The following KCNJ15 variants were observed in gnomAD, a reference collection of about 807,000 sequenced individuals.
KCNJ15 encodes potassium inwardly rectifying channel subfamily J member 15, also known as ATP-sensitive inward rectifier potassium channel 15.
Under a neutral mutation model 23.0 loss-of-function variants are expected in KCNJ15, and 14 were observed. The ratio of observed to expected loss-of-function variants is 0.61; its 90% CI spans 0.40 to 0.95. The LOEUF (loss-of-function observed/expected upper bound fraction) is 0.95. KCNJ15 is among the 40% of genes least tolerant of loss of function. The pLI is 0.00. For missense variants in KCNJ15, 388 were observed against 461.8 expected (o/e 0.84, Z 1.46); for synonymous variants, 185 against 183.2 (o/e 1.01, Z -0.08).
At position 38,299,443 on chromosome 21, in the gene KCNJ15, T is replaced by G. The variant is rs1985520666; in HGVS notation, c.182T>G (p.Met61Arg). The change falls in exon 3 of 3, where the codon ATG becomes AGG. Residue 61 changes from methionine (M) to arginine (R), a missense_variant. Met to Arg is a moderately conservative substitution (Grantham distance 91). Coordinates refer to ENST00000398938, the MANE Select transcript of KCNJ15 (RefSeq NM_170736.3). This position sits in a 1 kb window ranked among gnomAD's most constrained non-coding sequence, Gnocchi z 4.5. ...GACCTGTGGACCACAGTTATCGACA[T>G]GAAGTGGAGATACAAACTCACCCTG... is the stretch of plus-strand genomic sequence containing the variant. ...LQDLWTTVID[M>R]KWRYKLTLFA... The G allele has an allele frequency of 6.2e-7, 1 of 1,614,184 alleles. No homozygotes were observed. Among genetic ancestry groups the G allele is most frequent in the Non-Finnish European group, 8.5e-7 (1 of 1,180,016 alleles).
chr21:38,251,973 G>C (rs1445564433), upstream of KCNJ15, among the ~76,000 whole-genome samples: 1 of 152,192 alleles, frequency 6.6e-6, no homozygotes. Flanking sequence ...AGGATGGTGG[G>C]TGGTGGGAAG....
At chr21:38,295,413 A>C (rs180818301) in intron 1 of KCNJ15, among the ~76,000 whole-genome samples, 1 of 152,216 alleles carries the variant, frequency 6.6e-6, no homozygotes, top group African/African-American at 2.4e-5. Context: ...GATGATTCTG[A>C]TGTTAGTTCT....
intron 1 of KCNJ15, 67 bp from the exon 2 acceptor site, chr21:38,296,859 G>C (rs894735979): frequency 1.3e-5 from 2 of 152,652 alleles, no homozygotes; most frequent in Non-Finnish European, 2.9e-5. Flanking sequence ...GAAAATCATC[G>C]GGGGTCAGTT....
At chr21:38,260,578 A>G (rs958518471) in intron 1 of KCNJ15, among the ~76,000 whole-genome samples, 6 of 152,240 alleles carry the variant, frequency 3.9e-5, no homozygotes, top group Non-Finnish European at 7.3e-5. Context: ...AAGCACAAGC[A>G]CACAATTCCA....
intron 1 of KCNJ15, among the ~76,000 whole-genome samples, chr21:38,250,290 A>C (rs946948059): frequency 1.3e-5 from 2 of 152,216 alleles, no homozygotes; most frequent in Non-Finnish European, 2.9e-5. Context: ...TTAGTGCAGA[A>C]TCAGGGTTTG....
chr21:38,269,716 G>A (rs984574373), intron 1 of KCNJ15, among the ~76,000 whole-genome samples: 3 of 152,206 alleles, frequency 2.0e-5, no homozygotes, highest in Non-Finnish European at 4.4e-5. Context: ...TTAAGCTGGT[G>A]TGGAGAGAAA....
chr21:38,288,026 C>CTTTTTTTTTTTTTT (rs1171718120), intron 1 of KCNJ15, among the ~76,000 whole-genome samples: 2,575 of 78,094 alleles, frequency 0.033, 952 homozygotes, highest in Non-Finnish European at 0.038. Context: ...TTGTTTTTTT[C>CTTTTTTTTTTTTTT]TTTGTTTTTT....
At chr21:38,243,828 G>T (rs1012803726) in intron 1 of KCNJ15, among the ~76,000 whole-genome samples, 2 of 152,166 alleles carry the variant, frequency 1.3e-5, no homozygotes, top group African/African-American at 4.8e-5. Context: ...AACTTTATTT[G>T]CAAAAAACAA....
chr21:38,252,768 A>C (rs1979923752), upstream of KCNJ15, among the ~76,000 whole-genome samples: 1 of 152,194 alleles, frequency 6.6e-6, no homozygotes, highest in South Asian at 2.1e-4. Flanking sequence ...TGGATTGCAA[A>C]GCATTCTATC....
At chr21:38,295,260 G>C (rs919330349) in intron 1 of KCNJ15, among the ~76,000 whole-genome samples, 1 of 152,150 alleles carries the variant, frequency 6.6e-6, no homozygotes, top group African/African-American at 2.4e-5. Flanking sequence ...ACAAAATATA[G>C]TAATTCTTGA....
intron 1 of KCNJ15, among the ~76,000 whole-genome samples, chr21:38,270,868 A>AGT (rs1982001273): frequency 6.6e-6 from 1 of 152,236 alleles, no homozygotes; most frequent in African/African-American, 2.4e-5. Context: ...TATTTAAGGG[A>AGT]GTGTGTAACT....
At chr21:38,298,016 A>G (rs899077744) in intron 2 of KCNJ15, 1 of 152,240 alleles carries the variant, frequency 6.6e-6, no homozygotes, top group African/African-American at 2.4e-5. Context: ...AGAGCAATGC[A>G]TGAATCTGTA....
In KCNJ15 at chr21:38,299,089, C is replaced by T. The variant is rs77113538; in HGVS notation, c.-18-155C>T. ...GCCTCTGCTCCTCACTCTACCCTACCGACCACCTAAGTATAGATCAGTTAA... is the reference window on the plus strand; with the variant it reads ...GCCTCTGCTCCTCACTCTACCCTACTGACCACCTAAGTATAGATCAGTTAA... On this transcript the variant is annotated intron_variant, in intron 2 of 2. Coordinates refer to ENST00000398938, the MANE Select transcript of KCNJ15 (RefSeq NM_170736.3). This position sits in a 1 kb window ranked among gnomAD's most constrained non-coding sequence, Gnocchi z 4.5. Among the ~76,000 whole-genome samples, 1,247 of 152,328 alleles carry T rather than the reference C, an allele frequency of 8.2e-3. 36 individuals carry two copies. The East Asian group carries it at 0.084, about 10-fold the overall frequency.
intron 2 of KCNJ15, among the ~76,000 whole-genome samples, chr21:38,298,462 A>G (rs1985398040): frequency 6.6e-6 from 1 of 152,236 alleles, no homozygotes; most frequent in Non-Finnish European, 1.5e-5. Context: ...AATAACCAGC[A>G]TATTGATCAA....
upstream of KCNJ15, among the ~76,000 whole-genome samples, chr21:38,251,858 A>G (rs1979863175): frequency 6.6e-6 from 1 of 152,198 alleles, no homozygotes; most frequent in African/African-American, 2.4e-5. Context: ...TAACATTTTT[A>G]TTAAGTAAGT....
At chr21:38,258,230 T>TA (rs1980478634) in intron 1 of KCNJ15, among the ~76,000 whole-genome samples, 1 of 152,218 alleles carries the variant, frequency 6.6e-6, no homozygotes, top group African/African-American at 2.4e-5. Context: ...AAACAATCGG[T>TA]AGTAATAGCC....
chr21:38,296,094 A>T lies in KCNJ15; in HGVS notation c.-116-832A>T, dbSNP rs181797912. Among the ~76,000 whole-genome samples, 192 of 152,336 alleles carry T rather than the reference A, an allele frequency of 1.3e-3. No individual in the cohort carries two copies. In the Middle Eastern group the frequency reaches 0.02, roughly 16 times the overall value. On this transcript the variant is annotated intron_variant, in intron 1 of 2. Transcript: ENST00000398938. ...ATATATGGATGTAGACAGATGGATG[A>T]TTGATAGATAGATACAGATCATAGA...
chr21:38,242,953 T>C (rs1384781555), intron 1 of KCNJ15, among the ~76,000 whole-genome samples: 1 of 152,152 alleles, frequency 6.6e-6, no homozygotes, highest in Non-Finnish European at 1.5e-5. Context: ...GTTGAACAAA[T>C]AAAATGATTA....
chr21:38,295,073 T>A (rs1402640579), intron 1 of KCNJ15, among the ~76,000 whole-genome samples: 1 of 152,252 alleles, frequency 6.6e-6, no homozygotes, highest in Admixed American at 6.5e-5. Flanking sequence ...TTTTCTCATT[T>A]GCCCTGAGAA....
Sources: allele counts gnomAD v4.1 joint callset (sites outside exome capture counted in the v4.1 genomes callset), GRCh38; gene constraint gnomAD v4.1.1; non-coding constraint Gnocchi (gnomAD v3.1); transcripts MANE v1.5; gene names NCBI Gene and HGNC (gene_info 2026-07-23, HGNC 2026-07-21).